RSF1: variants seen among roughly 807,000 people sequenced by gnomAD.
RSF1 encodes the protein remodeling and spacing factor 1.
In RSF1, 13 loss-of-function variants were observed where a neutral mutation model predicts 145.2. That is an observed-to-expected ratio of 0.09 (90% CI 0.06 to 0.14). The LOEUF (loss-of-function observed/expected upper bound fraction) is 0.14, where lower values mean the gene tolerates loss of function less well. RSF1 is among the 10% of genes least tolerant of loss of function. RSF1 has a pLI of 1.00. For missense variants in RSF1, 1,517 were observed against 1,718.2 expected, an observed-to-expected ratio of 0.88 and a Z score of 2.07; for synonymous variants, 577 against 592.6, an observed-to-expected ratio of 0.97 and a Z score of 0.38.
At chr11:77,780,843 A>G (rs1948396136) in intron 1 of RSF1, among the ~76,000 whole-genome samples, 2 of 145,140 alleles carry the variant, frequency 1.4e-5, no homozygotes, top group Admixed American at 6.8e-5. Flanking sequence ...AAAAAAAAAG[A>G]GACTATGACT....
chr11:77,768,797 T>C (rs1371225992), intron 1 of RSF1, among the ~76,000 whole-genome samples: 1 of 152,236 alleles, frequency 6.6e-6, no homozygotes. Context: ...CATTATAGTT[T>C]ATTAAACATT....
chr11:77,860,143 C>T, the RSF1 span, among the ~76,000 whole-genome samples: 1 of 152,176 alleles, frequency 6.6e-6, no homozygotes, highest in Non-Finnish European at 1.5e-5. Context: ...GTGATATATA[C>T]GAAGTCTTGC....
At chr11:77,740,390 A>G (rs1961480075) in intron 4 of RSF1, among the ~76,000 whole-genome samples, 1 of 152,168 alleles carries the variant, frequency 6.6e-6, no homozygotes, top group Admixed American at 6.5e-5. Flanking sequence ...AGAAAAGAAA[A>G]CTATAGCTAA....
intron 5 of RSF1, among the ~76,000 whole-genome samples, chr11:77,713,345 C>T (rs749595800): frequency 1.3e-5 from 2 of 152,082 alleles, no homozygotes; most frequent in African/African-American, 2.4e-5. Context: ...CATTTTCTCC[C>T]CCCGAGAGTC....
Position 77,698,504 on chromosome 11 carries a change from G to C in RSF1, c.2698C>G (p.Pro900Ala). The change falls in exon 7 of 16, where the codon CCA becomes GCA. Residue 900 changes from proline (P) to alanine (A), a missense_variant. By Grantham distance (27) the Pro-to-Ala change is conservative. Around this residue, in one of 12 missense-constraint regions of RSF1, gnomAD observed 24 missense variants for 32.1 expected, o/e 0.75. Coordinates refer to ENST00000308488, the MANE Select transcript of RSF1 (RefSeq NM_016578.4). The part of the protein sequence containing the change: ...DDEPCKKCGL[P>A]NHPELILLCD... ...GTACATACTAGCTCAGGATGGTTTGGAAGGCCACATTTTTTGCATGGTTCA... is the reference window on the plus strand; with the variant it reads ...GTACATACTAGCTCAGGATGGTTTGCAAGGCCACATTTTTTGCATGGTTCA... 6.2e-7 allele frequency: 1 copy of C among 1,614,034 alleles called. No homozygotes were observed. The highest frequency in any genetic ancestry group is 8.5e-7 in the Non-Finnish European group (1 of 1,179,964).
intron 1 of RSF1, among the ~76,000 whole-genome samples, chr11:77,794,249 C>T (rs1257695876): frequency 1.3e-5 from 2 of 152,182 alleles, no homozygotes; most frequent in Admixed American, 6.5e-5. Context: ...CTCATCAGCA[C>T]GTGGAACATC....
the RSF1 span, among the ~76,000 whole-genome samples, chr11:77,852,758 T>C: frequency 3.4e-5 from 5 of 147,818 alleles, no homozygotes; most frequent in Non-Finnish European, 7.7e-5. Context: ...ATATAAATAA[T>C]TTTTTTTCTT....
At chr11:77,776,162 T>C (rs1948340062) in intron 1 of RSF1, among the ~76,000 whole-genome samples, 1 of 151,998 alleles carries the variant, frequency 6.6e-6, no homozygotes, top group Admixed American at 6.6e-5. Flanking sequence ...CTGTAGTGAG[T>C]GATTGCACCA....
chr11:77,794,131 C>G (rs570486412), intron 1 of RSF1, among the ~76,000 whole-genome samples: 1 of 152,206 alleles, frequency 6.6e-6, no homozygotes, highest in East Asian at 1.9e-4. Flanking sequence ...AAGACAGATT[C>G]TCTAGACAGA....
At chr11:77,835,313 T>C in the RSF1 span, among the ~76,000 whole-genome samples, 1 of 152,156 alleles carries the variant, frequency 6.6e-6, no homozygotes, top group African/African-American at 2.4e-5. Context: ...TATTAAACTA[T>C]GAGAGTGAAG....
rs959920856 is a variant in RSF1, at chr11:77,802,353, C to A, written c.187+18175G>T. ...GGAAGGCAGTCTTGTGGGTCTGAGT[C>A]TTTAATTTGTGGGACTGTGGTAACT... On this transcript the variant is annotated intron_variant, in intron 1 of 15. Transcript: ENST00000308488. Among the ~76,000 whole-genome samples, 3 of 152,112 alleles carry A rather than the reference C, an allele frequency of 2.0e-5. No individual in the cohort carries two copies. The East Asian group carries it at 5.9e-4, about 30-fold the overall frequency.
the RSF1 span, among the ~76,000 whole-genome samples, chr11:77,868,453 G>C: frequency 6.8e-6 from 1 of 148,140 alleles, no homozygotes; most frequent in African/African-American, 2.5e-5. Flanking sequence ...CTGCCTCCCA[G>C]GTTCAAGTGA....
the RSF1 span, among the ~76,000 whole-genome samples, chr11:77,831,420 G>A: frequency 6.6e-6 from 1 of 152,148 alleles, no homozygotes; most frequent in Non-Finnish European, 1.5e-5. Context: ...TGTTTCTAAT[G>A]TCAAAAATTG....
At chr11:77,777,310 C>T (rs1294081613) in intron 1 of RSF1, among the ~76,000 whole-genome samples, 1 of 152,074 alleles carries the variant, frequency 6.6e-6, no homozygotes, top group Admixed American at 6.6e-5. Flanking sequence ...TAGTAATCCC[C>T]GCCAGGCGAG....
chr11:77,683,956 G>C (rs950028209), intron 10 of RSF1, 137 bp from the exon 11 acceptor site: 46 of 598,288 alleles, frequency 7.7e-5, no homozygotes, highest in African/African-American at 5.8e-4. Flanking sequence ...CCCTCCAAAA[G>C]TGAATAAACA....
chr11:77,667,718 T>A (rs1004918619), intron 15 of RSF1, among the ~76,000 whole-genome samples: 3 of 152,302 alleles, frequency 2.0e-5, no homozygotes, highest in African/African-American at 2.4e-5. Flanking sequence ...TCTTTTTTTT[T>A]ATTGAGACAG....
intron 4 of RSF1, among the ~76,000 whole-genome samples, chr11:77,725,941 A>G (rs192879603): frequency 6.6e-6 from 1 of 152,190 alleles, no homozygotes; most frequent in South Asian, 2.1e-4. Context: ...ATGACAATGA[A>G]TATCTCTTGG....
chr11:77,812,017 T>C (rs1374410074), intron 1 of RSF1, among the ~76,000 whole-genome samples: 2 of 152,014 alleles, frequency 1.3e-5, no homozygotes, highest in African/African-American at 2.4e-5. Context: ...CTACTAAAAA[T>C]ACAAAAAATT....
chr11:77,734,779 A>C, intron 4 of RSF1: 2 of 1,592,478 alleles, frequency 1.3e-6, no homozygotes, highest in Middle Eastern at 1.7e-4. Context: ...GATATCCTGA[A>C]GGAAGATTCG....
Sources: allele counts gnomAD v4.1 joint callset (sites outside exome capture counted in the v4.1 genomes callset), GRCh38; gene constraint gnomAD v4.1.1; regional missense constraint gnomAD v4.1.1; transcripts MANE v1.5; gene names NCBI Gene and HGNC (gene_info 2026-07-23, HGNC 2026-07-21).